The following SRCIN1 variants were observed in gnomAD, a reference collection of about 807,000 sequenced individuals.
The protein encoded by SRCIN1 is SRC kinase signaling inhibitor 1.
Under a neutral mutation model 116.2 loss-of-function variants are expected in SRCIN1, and 50 were observed. The ratio of observed to expected loss-of-function variants is 0.43; its 90% CI spans 0.34 to 0.54. The LOEUF is 0.54. Ranked by LOEUF, SRCIN1 falls within the 20% of genes least tolerant of loss-of-function variation. The pLI is 0.02. For missense variants in SRCIN1, 1,446 were observed against 1,672.0 expected (o/e 0.86, Z 2.36); for synonymous variants, 736 against 750.0 (o/e 0.98, Z 0.30).
rs779145042 is a variant in SRCIN1, at chr17:38,558,190, A to G, written c.2201+37T>C. 1.2e-6 allele frequency: 2 copies of G among 1,600,106 alleles called. No homozygotes were observed. The highest frequency in any genetic ancestry group is 1.7e-6 in the Non-Finnish European group (2 of 1,172,280). On this transcript the variant is annotated intron_variant, in intron 11 of 18. Transcript: ENST00000617146. This position sits in a 1 kb window ranked among gnomAD's most constrained non-coding sequence, Gnocchi z 4.6. The stretch of plus-strand genomic sequence containing the variant: ...CCAGGTTGCGGGTCACTCCAGCCGC[A>G]CCCCCACCCCTCCCTCCGCCGCGGG...
rs1215841964 is a variant in SRCIN1, at chr17:38,580,204, G to A, written c.23-1413C>T. Among the ~76,000 whole-genome samples, 54 of 152,104 alleles carry A rather than the reference G, an allele frequency of 3.6e-4. 1 individual carries two copies. Among genetic ancestry groups the A allele is most frequent in the Admixed American group, 3.5e-3 (54 of 15,272 alleles). ...CAGGAGGTCTATGGACAGCTGCCAG[G>A]TCTGCCATCCCCTGCCCAGCCACAG... On this transcript the variant is annotated intron_variant, in intron 1 of 18. Coordinates refer to ENST00000617146, the MANE Select transcript of SRCIN1 (RefSeq NM_025248.3).
At chr17:38,581,006 C>T (rs1907760415) in intron 1 of SRCIN1, among the ~76,000 whole-genome samples, 2 of 151,622 alleles carry the variant, frequency 1.3e-5, no homozygotes, top group Admixed American at 6.6e-5. Flanking sequence ...CAGTGAATTT[C>T]TTCCTTTTTT....
chr17:38,594,264 G>A (rs1908595442), intron 1 of SRCIN1, among the ~76,000 whole-genome samples: 1 of 152,230 alleles, frequency 6.6e-6, no homozygotes, highest in Non-Finnish European at 1.5e-5. Flanking sequence ...GGATGGGGGA[G>A]GGAGGGGAGC....
At chr17:38,549,518 C>G (rs937870340) in intron 15 of SRCIN1, among the ~76,000 whole-genome samples, 4 of 152,172 alleles carry the variant, frequency 2.6e-5, no homozygotes, top group Non-Finnish European at 5.9e-5. Context: ...GCTGCTAAAC[C>G]AGGATCTGGT....
intron 1 of SRCIN1, among the ~76,000 whole-genome samples, chr17:38,605,431 C>T (rs867454000): frequency 8.8e-5 from 13 of 148,210 alleles, no homozygotes; most frequent in Middle Eastern, 3.5e-3. Context: ...CACCCAGTCT[C>T]CTGCCTCGCC....
chr17:38,543,795 G>A, intron 18 of SRCIN1, 28 bp downstream of exon 18: 2 of 1,598,570 alleles, frequency 1.3e-6, no homozygotes, highest in Non-Finnish European at 1.7e-6. Context: ...GAGTGGGCCT[G>A]GGTGGCCCCC....
chr17:38,547,043 A>T (rs1905116872), intron 17 of SRCIN1, among the ~76,000 whole-genome samples: 1 of 152,242 alleles, frequency 6.6e-6, no homozygotes, highest in Admixed American at 6.5e-5. Flanking sequence ...TTCCCAGGAA[A>T]GAATAAAGAG....
At chr17:38,601,788 C>T (rs921822466) in intron 1 of SRCIN1, among the ~76,000 whole-genome samples, 2 of 152,170 alleles carry the variant, frequency 1.3e-5, no homozygotes, top group African/African-American at 4.8e-5. Context: ...TCCCCGCCCC[C>T]AGCTTGGCTT....
chr17:38,584,270 G>A (rs1178731935), intron 1 of SRCIN1, among the ~76,000 whole-genome samples: 2 of 152,222 alleles, frequency 1.3e-5, no homozygotes, highest in Admixed American at 1.3e-4. Context: ...TGGGGTTGGG[G>A]AAACCAGAGA....
chr17:38,588,721 AAG>A (rs1356855034), intron 1 of SRCIN1, among the ~76,000 whole-genome samples: 4 of 152,172 alleles, frequency 2.6e-5, no homozygotes, highest in African/African-American at 9.7e-5. Flanking sequence ...TTTCCAGGGG[AAG>A]AGACTCCAAT....
At position 38,562,930 on chromosome 17, in the gene SRCIN1, G is replaced by T; in HGVS notation, c.741-10C>A. The T allele has an allele frequency of 6.2e-7, 1 of 1,607,852 alleles. No individual in the cohort carries two copies. On this transcript the variant is annotated splice_polypyrimidine_tract_variant and intron_variant, in intron 5 of 18. Transcript: ENST00000617146. The surrounding 1 kb of genome is among the most constrained non-coding windows in gnomAD (Gnocchi z 4.2). The stretch of plus-strand genomic sequence containing the variant: ...GCGGTCCTGGATGTCCCTGGGAGAG[G>T]CGGGGAGACGGGGGTCACCACCCAT...
At chr17:38,590,483 G>A (rs1404574673) in intron 1 of SRCIN1, among the ~76,000 whole-genome samples, 2 of 152,196 alleles carry the variant, frequency 1.3e-5, no homozygotes, top group Non-Finnish European at 2.9e-5. Context: ...TGATCTGCCC[G>A]CCTTGGCCTC....
At chr17:38,537,659 C>T (rs533291807) in intron 18 of SRCIN1, among the ~76,000 whole-genome samples, 10 of 151,772 alleles carry the variant, frequency 6.6e-5, no homozygotes, top group East Asian at 3.9e-4. Context: ...GGCGTGGTGG[C>T]GGGCACCTGT....
intron 2 of SRCIN1, among the ~76,000 whole-genome samples, chr17:38,570,079 G>A (rs922286704): frequency 6.6e-6 from 1 of 152,094 alleles, no homozygotes; most frequent in Non-Finnish European, 1.5e-5. Flanking sequence ...ACAGGCTCAC[G>A]CACAGCTGAG....
chr17:38,564,806 C>T (rs997485215), intron 3 of SRCIN1, among the ~76,000 whole-genome samples: 52 of 151,080 alleles, frequency 3.4e-4, no homozygotes, highest in Non-Finnish European at 5.9e-5. Flanking sequence ...AGAGCTGGCA[C>T]CCCAGGATCC....
Position 38,558,127 on chromosome 17 carries a change from G to A in SRCIN1, c.2201+100C>T, listed in dbSNP as rs1905923684. The A allele has an allele frequency of 3.6e-6, 5 of 1,383,520 alleles. No homozygotes were observed. The highest frequency in any genetic ancestry group is 1.3e-5 in the South Asian group (1 of 77,288). The allele number at this position is 1,383,520 out of a possible 1,614,324, so 85.7% of individuals were successfully genotyped here. A position where few individuals can be genotyped will look rare whatever the true frequency, so the allele number is the denominator to read the frequency against. The stretch of plus-strand genomic sequence containing the variant: ...GCTTCAGAACAGACCAACGCCACCT[G>A]TGACTCAGAGGGAAGGGAGCTGCGC... On this transcript the variant is annotated intron_variant, in intron 11 of 18. Coordinates refer to ENST00000617146, the MANE Select transcript of SRCIN1 (RefSeq NM_025248.3). The surrounding 1 kb of genome is among the most constrained non-coding windows in gnomAD (Gnocchi z 4.6).
At position 38,558,416 on chromosome 17, in the gene SRCIN1, G is replaced by A; in HGVS notation, c.2026-14C>T. 1.3e-6 allele frequency: 2 copies of A among 1,581,262 alleles called. No homozygotes were observed. Among genetic ancestry groups the A allele is most frequent in the Non-Finnish European group, 1.7e-6 (2 of 1,169,634 alleles). Reference sequence around the variant, plus strand: ...CTGGTTCTGTAGCTGCGGGACGCACGGACGGATGGACCCGGGTGGGGGGAG... The same window carrying A: ...CTGGTTCTGTAGCTGCGGGACGCACAGACGGATGGACCCGGGTGGGGGGAG... On this transcript the variant is annotated splice_polypyrimidine_tract_variant and intron_variant, in intron 10 of 18. Transcript: ENST00000617146. The surrounding 1 kb of genome is among the most constrained non-coding windows in gnomAD (Gnocchi z 4.6).
At position 38,578,699 on chromosome 17, in the gene SRCIN1, T is replaced by TGCACCCGCC. The variant is rs1555611112; in HGVS notation, c.114_115insGGCGGGTGC (p.Gly38_Ser39insGlyGlyCys). 14 of 1,510,410 alleles carry TGCACCCGCC rather than the reference T, an allele frequency of 9.3e-6. No homozygotes were observed. Among genetic ancestry groups the TGCACCCGCC allele is most frequent in the African/African-American group, 1.4e-5 (1 of 72,066 alleles). The allele number at this position is 1,510,410 out of a possible 1,614,324, so 93.6% of individuals were successfully genotyped here. On this transcript the variant is annotated inframe_insertion, in exon 2 of 19. Coordinates refer to ENST00000617146, the MANE Select transcript of SRCIN1 (RefSeq NM_025248.3). ...ACGTTGGAGAAGCGCCGGCCCCCGC[T>TGCACCCGCC]GCCCCCGCCGCCCCCGCCCCCCAGG... is the stretch of plus-strand genomic sequence containing the variant.
chr17:38,599,977 T>C (rs1343399045), intron 1 of SRCIN1, among the ~76,000 whole-genome samples: 1 of 152,180 alleles, frequency 6.6e-6, no homozygotes, highest in Non-Finnish European at 1.5e-5. Context: ...TCATAATTGA[T>C]TGTTTATTAT....
Sources: gnomAD v4.1 joint callset for allele counts (sites outside exome capture counted in the v4.1 genomes callset) on GRCh38, gnomAD v4.1.1 for gene constraint, Gnocchi (gnomAD v3.1) non-coding constraint, MANE v1.5 for transcripts, NCBI Gene and HGNC (gene_info 2026-07-23, HGNC 2026-07-21) for gene names.